Variants in METTL15 observed in about 807,000 individuals in gnomAD.
METTL15 encodes 12S rRNA N(4)-cytidine methyltransferase METTL15.
In METTL15, 34 loss-of-function variants were observed where a neutral mutation model predicts 38.3. The observed-to-expected ratio is 0.89, with a 90% CI of 0.68 to 1.18. METTL15 has a LOEUF of 1.18. METTL15 is among the 50% of genes most tolerant of loss of function. METTL15 has a pLI of 0.00. For missense variants in METTL15, 438 were observed against 498.4 expected (o/e 0.88, Z 1.15); for synonymous variants, 162 against 170.9 (o/e 0.95, Z 0.41).
intron 3 of METTL15, among the ~76,000 whole-genome samples, chr11:28,151,615 C>G (rs11030228): frequency 0.46 from 69,982 of 151,864 alleles, 17,756 homozygotes; most frequent in Admixed American, 0.56. Context: ...TTGCACTGTT[C>G]ACTACCCTGT....
At chr11:28,416,373 C>T (rs928920938) in intron 5 of METTL15, among the ~76,000 whole-genome samples, 3 of 152,138 alleles carry the variant, frequency 2.0e-5, no homozygotes, top group African/African-American at 4.8e-5. Flanking sequence ...CCACACAGAC[C>T]CTGGAAGCAA....
At chr11:28,222,147 A>G (rs188128540) in intron 4 of METTL15, among the ~76,000 whole-genome samples, 1,670 of 152,294 alleles carry the variant, frequency 0.011, 17 homozygotes, top group Middle Eastern at 0.037. Flanking sequence ...CCCTGCCTCC[A>G]GAGGTGGAGC....
intron 6 of METTL15, among the ~76,000 whole-genome samples, chr11:28,310,814 C>G (rs1284358074): frequency 1.3e-5 from 2 of 151,776 alleles, no homozygotes; most frequent in Admixed American, 6.6e-5. Flanking sequence ...TATCTTCCAC[C>G]TGGAAAAAAA....
intron 3 of METTL15, among the ~76,000 whole-genome samples, chr11:28,178,295 T>G (rs1851152196): frequency 1.3e-5 from 2 of 151,982 alleles, no homozygotes; most frequent in African/African-American, 4.8e-5. Context: ...AAAACCTGTT[T>G]ACTGGAGAAT....
intron 5 of METTL15, among the ~76,000 whole-genome samples, chr11:28,375,658 C>G (rs192155547): frequency 7.2e-5 from 11 of 152,168 alleles, no homozygotes; most frequent in Admixed American, 3.9e-4. Flanking sequence ...TTTTGTGTCT[C>G]TATTTCCTTC....
intron 3 of METTL15, among the ~76,000 whole-genome samples, chr11:28,127,932 A>G (rs1852564808): frequency 6.6e-6 from 1 of 152,118 alleles, no homozygotes; most frequent in African/African-American, 2.4e-5. Flanking sequence ...ATGTGTTTAT[A>G]GCTACATTGC....
At chr11:28,367,753 A>G (rs954886763) in intron 5 of METTL15, among the ~76,000 whole-genome samples, 1 of 151,836 alleles carries the variant, frequency 6.6e-6, no homozygotes, top group Non-Finnish European at 1.5e-5. Context: ...AAATAGATAT[A>G]TAGAATAGAA....
chr11:28,278,624 T>C (rs1855931893), intron 4 of METTL15, among the ~76,000 whole-genome samples: 1 of 152,216 alleles, frequency 6.6e-6, no homozygotes, highest in African/African-American at 2.4e-5. Flanking sequence ...AGTCTTACTA[T>C]TCTAAGGCAA....
At chr11:28,448,282 G>C (rs1851091442) in intron 6 of METTL15, among the ~76,000 whole-genome samples, 1 of 152,094 alleles carries the variant, frequency 6.6e-6, no homozygotes, top group South Asian at 2.1e-4. Context: ...CCTTGGGCAG[G>C]GTTCCTGCTG....
At chr11:28,512,693 C>T (rs971696071) in intron 6 of METTL15, among the ~76,000 whole-genome samples, 4 of 152,132 alleles carry the variant, frequency 2.6e-5, no homozygotes, top group Non-Finnish European at 4.4e-5. Context: ...CGCACAGCCC[C>T]GGTTCCCTCT....
chr11:28,237,954 TC>T (rs907775875), intron 4 of METTL15, among the ~76,000 whole-genome samples: 2 of 152,114 alleles, frequency 1.3e-5, no homozygotes, highest in African/African-American at 4.8e-5. Context: ...GTCTGATCAT[TC>T]CTCTGGAAGT....
downstream of METTL15, among the ~76,000 whole-genome samples, chr11:28,529,835 GGTAA>G (rs1035520044): frequency 2.0e-5 from 3 of 151,944 alleles, no homozygotes; most frequent in African/African-American, 7.3e-5. Context: ...ACTGAACATG[GGTAA>G]GTATGTAGAA....
At chr11:28,352,057 T>A (rs1289825928) in intron 3 of METTL15, 5 of 152,254 alleles carry the variant, frequency 3.3e-5, no homozygotes, top group Non-Finnish European at 7.3e-5. Context: ...CTTATTATTC[T>A]GTTTACCTTA....
chr11:28,375,701 T>A (rs1033576733), intron 5 of METTL15, among the ~76,000 whole-genome samples: 2 of 152,150 alleles, frequency 1.3e-5, no homozygotes, highest in African/African-American at 4.8e-5. Flanking sequence ...TTTCTTGCCT[T>A]CTGCTAGCTT....
intron 4 of METTL15, among the ~76,000 whole-genome samples, chr11:28,256,835 T>A (rs972866072): frequency 3.9e-5 from 6 of 152,106 alleles, no homozygotes; most frequent in Non-Finnish European, 8.8e-5. Flanking sequence ...ATGTAGGCAT[T>A]TACAGCTGTA....
At chr11:28,291,050 C>CTTTTTT (rs1313497959) in intron 5 of METTL15, among the ~76,000 whole-genome samples, 2 of 133,648 alleles carry the variant, frequency 1.5e-5, no homozygotes, top group African/African-American at 2.8e-5. Flanking sequence ...TAATTCTTTT[C>CTTTTTT]TTTTTTTTTT....
At position 28,311,834 on chromosome 11, in the gene METTL15, A is replaced by G. The variant is rs540447926; in HGVS notation, c.778+14903A>G. 5.4e-4 allele frequency among the ~76,000 whole-genome samples: 82 copies of G among 152,362 alleles called. No homozygotes were observed. The Middle Eastern group carries it at 0.01, about 19-fold the overall frequency. Reference sequence around the variant, plus strand: ...GTTAGTGGGTAATTGAGTGAGTTGGACAGTGCTATACAAATTTCATTAATG... The same window carrying G: ...GTTAGTGGGTAATTGAGTGAGTTGGGCAGTGCTATACAAATTTCATTAATG... On this transcript the variant is annotated intron_variant, in intron 6 of 6. Transcript: ENST00000407364.
intron 4 of METTL15, among the ~76,000 whole-genome samples, chr11:28,212,232 A>G (rs905029740): frequency 3.3e-5 from 5 of 152,096 alleles, no homozygotes; most frequent in Non-Finnish European, 7.4e-5. Context: ...GCTTTTGTTT[A>G]CAAGATCATA....
chr11:28,310,964 G>GGTGGT, intron 6 of METTL15, among the ~76,000 whole-genome samples: 1 of 124,690 alleles, frequency 8.0e-6, no homozygotes, highest in Non-Finnish European at 1.6e-5. Flanking sequence ...TGGTGGTGGT[G>GGTGGT]GGTGTGTGTG....
Sources: allele counts gnomAD v4.1 joint callset (sites outside exome capture counted in the v4.1 genomes callset), GRCh38; gene constraint gnomAD v4.1.1; transcripts MANE v1.5; gene names NCBI Gene and HGNC (gene_info 2026-07-23, HGNC 2026-07-21).